The following LRRC32 variants were observed in gnomAD, a reference collection of about 807,000 sequenced individuals.
LRRC32 encodes leucine rich repeat containing 32.
In LRRC32, 5 loss-of-function variants were observed where a neutral mutation model predicts 15.0. The ratio of observed to expected loss-of-function variants is 0.33; its 90% CI spans 0.17 to 0.70. The LOEUF is 0.70. LRRC32 is among the 30% of genes least tolerant of loss of function. The pLI is 0.66. For synonymous variants in LRRC32, 391 were observed against 403.9 expected (o/e 0.97, Z 0.38); for missense variants, 803 against 854.2 (o/e 0.94, Z 0.75).
In LRRC32 at chr11:76,669,380, TGTGTGTGA is replaced by T. The variant is rs1207296471; in HGVS notation, c.-5+1226_-5+1233del. 8.5e-4 allele frequency among the ~76,000 whole-genome samples: 125 copies of T among 147,042 alleles called. 1 individual carries two copies. Among genetic ancestry groups the T allele is most frequent in the Non-Finnish European group, 1.2e-3 (78 of 66,658 alleles). ...GTGTGTGTGTGTGTGTGTGTGTGTG[TGTGTGTGA>T]GAGAGAGAGAGAGAGTGAGAGAGAA... On this transcript the variant is annotated intron_variant, in intron 1 of 2. Transcript: ENST00000260061.
At chr11:76,662,194 G>A (rs565427179) in intron 2 of LRRC32, among the ~76,000 whole-genome samples, 2 of 152,248 alleles carry the variant, frequency 1.3e-5, no homozygotes, top group South Asian at 4.2e-4. Context: ...TTCTTCCCAG[G>A]CTGGGTCAGG....
rs917928074 is a variant in LRRC32, at chr11:76,660,860, G to T, written c.733C>A (p.Leu245Ile). 6.2e-7 allele frequency: 1 copy of T among 1,614,238 alleles called. No homozygotes were observed. Among genetic ancestry groups the T allele is most frequent in the Non-Finnish European group, 8.5e-7 (1 of 1,180,050 alleles). The change falls in exon 3 of 3, where the codon CTC (leucine) becomes ATC (isoleucine). Residue 245 changes from leucine to isoleucine, a missense_variant. Physicochemically the swap from Leu to Ile is conservative, Grantham distance 5 (BLOSUM62 2). Transcript: ENST00000260061. ...TASQPQAEFQ[L>I]TWLDLRENKL... ...TTCTCCCGCAGGTCAAGCCAGGTGA[G>T]CTGGAACTCAGCCTGGGGCTGGGAG...
At chr11:76,667,899 C>G (rs1426820997) in intron 1 of LRRC32, among the ~76,000 whole-genome samples, 1 of 152,254 alleles carries the variant, frequency 6.6e-6, no homozygotes, top group Non-Finnish European at 1.5e-5. Flanking sequence ...CTGCTAAAGA[C>G]CTCCTCATCC....
chr11:76,662,690 G>T (rs1952556882), intron 2 of LRRC32: 1 of 152,388 alleles, frequency 6.6e-6, no homozygotes, highest in African/African-American at 2.4e-5. Context: ...CCGGGCTCAG[G>T]CTCACCGCCC....
chr11:76,658,250 T>G lies in LRRC32; in HGVS notation c.*1354A>C, dbSNP rs1048793340. 1 of 152,362 alleles carries G rather than the reference T, an allele frequency of 6.6e-6. No individual in the cohort carries two copies. The highest frequency in any genetic ancestry group is 6.5e-5 in the Admixed American group (1 of 15,290). The allele number at this position is 152,362 out of a possible 1,614,324, so 9.4% of individuals were successfully genotyped here. On this transcript the variant is annotated 3_prime_UTR_variant, in exon 3 of 3. Transcript: ENST00000260061. ...CTTCCTAAGCCTCAGTTTCCCCATC[T>G]GTGCAATGGGGAGGTTGGATTCCAT...
intron 2 of LRRC32, chr11:76,663,599 A>G (rs1461513693): frequency 3.9e-5 from 6 of 152,198 alleles, no homozygotes; most frequent in Non-Finnish European, 8.8e-5. Context: ...GGGCCTCAGG[A>G]GGCCCAGGGA....
At chr11:76,667,481 C>T (rs543072454) in intron 1 of LRRC32, among the ~76,000 whole-genome samples, 1 of 152,174 alleles carries the variant, frequency 6.6e-6, no homozygotes, top group African/African-American at 2.4e-5. Context: ...GAGCTATGGA[C>T]GAAGATGGCT....
chr11:76,661,512 G>A lies in LRRC32; in HGVS notation c.85-4C>T, dbSNP rs751973112. The stretch of plus-strand genomic sequence containing the variant: ...GGCACGAGACCTTCTTGTCCACCTG[G>A]GGAGGGGTAGGGTGGGGAGACAGCT... On this transcript the variant is annotated splice_region_variant and splice_polypyrimidine_tract_variant and intron_variant, in intron 2 of 2. Coordinates refer to ENST00000260061, the MANE Select transcript of LRRC32 (RefSeq NM_001128922.2). 1.3e-6 allele frequency: 2 copies of A among 1,586,052 alleles called. No homozygotes were observed. Among genetic ancestry groups the A allele is most frequent in the African/African-American group, 1.3e-5 (1 of 74,552 alleles).
At chr11:76,665,574 TG>T (rs373512129) in intron 2 of LRRC32, among the ~76,000 whole-genome samples, 3 of 152,244 alleles carry the variant, frequency 2.0e-5, no homozygotes, top group African/African-American at 7.2e-5. Flanking sequence ...GGGGACAGCT[TG>T]GGGGAATACA....
Position 76,660,305 on chromosome 11 carries a change from C to G in LRRC32, c.1288G>C (p.Glu430Gln), listed in dbSNP as rs147825018. 6.3e-7 allele frequency: 1 copy of G among 1,596,568 alleles called. No homozygotes were observed. The highest frequency in any genetic ancestry group is 1.1e-5 in the South Asian group (1 of 87,918). ...NRVSPCGGPD[E>Q]PGPSGCVAFS... Reference sequence around the variant, plus strand: ...GCCACACAGCCGGAGGGGCCAGGCTCATCTGGCCCCCCACAGGGGCTGACT... The same window carrying G: ...GCCACACAGCCGGAGGGGCCAGGCTGATCTGGCCCCCCACAGGGGCTGACT... Residue 430 changes from glutamate to glutamine, a missense_variant, in exon 3 of 3, where the codon GAG becomes CAG. Physicochemically the swap from Glu to Gln is conservative, Grantham distance 29. Transcript: ENST00000260061.
At position 76,659,747 on chromosome 11, in the gene LRRC32, C is replaced by T. The variant is rs559896678; in HGVS notation, c.1846G>A (p.Glu616Lys). ...EEVSLSHVRP[E>K]DCEKGGLKNI... ...TTCAGTCCCCCCTTCTCACAGTCCT[C>T]GGGACGCACGTGGCTCAGGGACACC... is the stretch of plus-strand genomic sequence containing the variant. The change falls in exon 3 of 3, where the codon GAG becomes AAG. Residue 616 changes from glutamate (E) to lysine (K), a missense_variant. Glu to Lys is a moderately conservative substitution (Grantham distance 56). Transcript: ENST00000260061. 2.0e-5 allele frequency: 32 copies of T among 1,614,066 alleles called. 1 individual carries two copies. The highest frequency in any genetic ancestry group is 7.7e-5 in the South Asian group (7 of 91,086).
intron 2 of LRRC32, among the ~76,000 whole-genome samples, chr11:76,664,729 C>A (rs186978768): frequency 6.6e-6 from 1 of 152,200 alleles, no homozygotes; most frequent in Non-Finnish European, 1.5e-5. Flanking sequence ...AAAATTCACC[C>A]GCTTCCCCTC....
In LRRC32 at chr11:76,661,020, G is replaced by A. The variant is rs34672185; in HGVS notation, c.573C>T (p.Gly191=). ...HSNVLMDIED[G]AFEGLPRLTH... ...TCAGGCGGGGCAGACCCTCGAAGGC[G>A]CCATCCTCGATGTCCATCAGCACGT... The change falls in exon 3 of 3, where the codon GGC becomes GGT. Residue 191 remains glycine, a synonymous_variant. Coordinates refer to ENST00000260061, the MANE Select transcript of LRRC32 (RefSeq NM_001128922.2). The A allele has an allele frequency of 3.7e-3, 5,970 of 1,614,152 alleles. 15 individuals are homozygous for A. Among genetic ancestry groups the A allele is most frequent in the Non-Finnish European group, 4.6e-3 (5,468 of 1,180,000 alleles).
chr11:76,660,944 G>T lies in LRRC32; in HGVS notation c.649C>A (p.Leu217Ile), dbSNP rs1231109449. The T allele has an allele frequency of 1.9e-6, 3 of 1,614,080 alleles. No homozygotes were observed. Among genetic ancestry groups the T allele is most frequent in the Admixed American group, 3.3e-5 (2 of 60,012 alleles). Residue 217 changes from leucine to isoleucine, a missense_variant, in exon 3 of 3, where the codon CTC becomes ATC. Physicochemically the swap from Leu to Ile is conservative, Grantham distance 5. Coordinates refer to ENST00000260061, the MANE Select transcript of LRRC32 (RefSeq NM_001128922.2). ...NSLTCISDFS[L>I]QQLRVLDLSC... ...AGGTCTAGCACCCGCAGCTGCTGGA[G>T]GCTGAAGTCGGAGATGCAGGTGAGG...
intron 1 of LRRC32, among the ~76,000 whole-genome samples, chr11:76,668,563 C>A (rs925750103): frequency 9.2e-5 from 14 of 152,224 alleles, no homozygotes; most frequent in African/African-American, 3.1e-4. Flanking sequence ...AGGGCCTTTG[C>A]TCCTGCAGTT....
chr11:76,662,536 CA>C (rs2120070039), intron 2 of LRRC32: 1 of 152,280 alleles, frequency 6.6e-6, no homozygotes, highest in Non-Finnish European at 1.5e-5. Flanking sequence ...GGTTTTTTAA[CA>C]ACAAAAGGCC....
rs566211243 is a variant in LRRC32 at position 76,660,900 on chromosome 11, C to G, written c.693G>C (p.Glu231Asp). ...RVLDLSCNSI[E>D]AFQTASQPQA... ...GGGGCTGGGAGGCCGTCTGAAAGGC[C>G]TCGATGCTGTTGCAGCTCAGGTCTA... is the stretch of plus-strand genomic sequence containing the variant. Residue 231 changes from glutamate (E) to aspartate (D), a missense_variant, in exon 3 of 3, where the codon GAG (glutamate) becomes GAC (aspartate). Glu to Asp is a conservative substitution (Grantham distance 45). Coordinates refer to ENST00000260061, the MANE Select transcript of LRRC32 (RefSeq NM_001128922.2). The G allele has an allele frequency of 1.5e-5, 24 of 1,614,072 alleles. No homozygotes were observed.
At position 76,659,700 on chromosome 11, in the gene LRRC32, G is replaced by T. The variant is rs752978724; in HGVS notation, c.1893C>A (p.Ile631=). The T allele has an allele frequency of 1.2e-6, 2 of 1,614,076 alleles. No individual in the cohort carries two copies. Among genetic ancestry groups the T allele is most frequent in the African/African-American group, 2.7e-5 (2 of 74,934 alleles). Residue 631 remains isoleucine (I), a synonymous_variant, in exon 3 of 3, where the codon ATC becomes ATA. Transcript: ENST00000260061. ...GGLKNINLII[I]LTFILVSAIL... is the part of the protein sequence containing the mutation. ...TGGCAGAGACCAGTATGAAGGTGAG[G>T]ATGATGATGAGGTTGATGTTCTTCA...
Position 76,660,752 on chromosome 11 carries a change from T to A in LRRC32, c.841A>T (p.Thr281Ser). 6.2e-7 allele frequency: 1 copy of A among 1,613,506 alleles called. No individual in the cohort carries two copies. The change falls in exon 3 of 3, where the codon ACA (threonine) becomes TCA (serine). Residue 281 changes from threonine to serine, a missense_variant. Physicochemically the swap from Thr to Ser is moderately conservative, Grantham distance 58. Transcript: ENST00000260061. ...CCCTTGCTGTCCTGGGGTGGCCCTGTGGGGAGCCGGATGAGGTTGTTGGAC... is the reference window on the plus strand; with the variant it reads ...CCCTTGCTGTCCTGGGGTGGCCCTGAGGGGAGCCGGATGAGGTTGTTGGAC... ...NLSNNLIRLP[T>S]GPPQDSKGIH...
Sources: allele counts gnomAD v4.1 joint callset (sites outside exome capture counted in the v4.1 genomes callset), GRCh38; gene constraint gnomAD v4.1.1; transcripts MANE v1.5; gene names NCBI Gene and HGNC (gene_info 2026-07-23, HGNC 2026-07-21).